NEK11: variants seen among roughly 807,000 people sequenced by gnomAD.
The protein encoded by NEK11 is serine/threonine-protein kinase Nek11.
A neutral mutation model predicts 80.7 loss-of-function variants in NEK11; 72 were observed. The ratio of observed to expected loss-of-function variants is 0.89; its 90% CI spans 0.74 to 1.08. NEK11 has a LOEUF of 1.08. Ranked by LOEUF, NEK11 falls within the 50% of genes least tolerant of loss-of-function variation. The pLI, the probability that NEK11 is intolerant of heterozygous loss-of-function variation, is 0.00. For synonymous variants in NEK11, 251 were observed against 260.7 expected, an observed-to-expected ratio of 0.96 and a Z score of 0.36; for missense variants, 764 against 763.6, an observed-to-expected ratio of 1.00 and a Z score of -0.01.
intron 10 of NEK11, among the ~76,000 whole-genome samples, chr3:131,157,531 A>G (rs915685777): frequency 6.6e-6 from 1 of 152,194 alleles, no homozygotes; most frequent in Non-Finnish European, 1.5e-5. Flanking sequence ...AACATAGTCA[A>G]TAAAATTTAG....
At position 131,072,322 on chromosome 3, in the gene NEK11, T is replaced by A. The variant is rs141914841; in HGVS notation, c.171-8101T>A. 25 of 152,346 alleles carry A rather than the reference T, an allele frequency of 1.6e-4. No homozygotes were observed. The East Asian group carries it at 4.6e-3, about 28-fold the overall frequency. 9.4% of individuals were successfully genotyped at this position (152,346 alleles called of 1,614,324 possible). On this transcript the variant is annotated intron_variant, in intron 3 of 17. Coordinates refer to ENST00000383366, the MANE Select transcript of NEK11 (RefSeq NM_024800.5). ...AAGGAGTCAAATGCAGATGATCACA[T>A]GCAGAGGTGGATTAAAGAAGAGTTT...
At chr3:131,049,014 G>T (rs995530026) in intron 3 of NEK11, among the ~76,000 whole-genome samples, 5 of 152,190 alleles carry the variant, frequency 3.3e-5, no homozygotes, top group African/African-American at 1.2e-4. Context: ...GGAAGACTTG[G>T]TGTCCATTTT....
chr3:131,204,511 G>A (rs1304927460), intron 14 of NEK11, among the ~76,000 whole-genome samples: 1 of 152,098 alleles, frequency 6.6e-6, no homozygotes, highest in Non-Finnish European at 1.5e-5. Flanking sequence ...GATAGATATT[G>A]TAGATAGTCA....
chr3:131,069,762 G>A (rs1244429203), intron 3 of NEK11, among the ~76,000 whole-genome samples: 1 of 150,826 alleles, frequency 6.6e-6, no homozygotes, highest in African/African-American at 2.4e-5. Context: ...TCACTCATAG[G>A]TGGGAACTGA....
chr3:131,279,106 C>G (rs2096353518), intron 17 of NEK11, among the ~76,000 whole-genome samples: 1 of 151,894 alleles, frequency 6.6e-6, no homozygotes, highest in South Asian at 2.1e-4. Flanking sequence ...AGTGGCAGCT[C>G]ACACCTGTAA....
At chr3:131,047,689 A>T (rs890392650) in intron 3 of NEK11, among the ~76,000 whole-genome samples, 3 of 152,148 alleles carry the variant, frequency 2.0e-5, no homozygotes, top group Non-Finnish European at 2.9e-5. Context: ...CAGGGGAGTG[A>T]AGTGGACTCT....
intron 17 of NEK11, among the ~76,000 whole-genome samples, chr3:131,318,692 A>G (rs57834286): frequency 0.12 from 17,943 of 151,246 alleles, 1,517 homozygotes; most frequent in East Asian, 0.3. Flanking sequence ...CAATAGGCAT[A>G]TATGATCTCA....
chr3:131,093,455 G>A (rs1358086739), intron 4 of NEK11, among the ~76,000 whole-genome samples: 6 of 151,546 alleles, frequency 4.0e-5, no homozygotes, highest in Non-Finnish European at 7.4e-5. Context: ...ACAGAGTCTC[G>A]CTCTGTCTGT....
intron 5 of NEK11, among the ~76,000 whole-genome samples, chr3:131,131,944 A>T (rs2084565288): frequency 6.6e-6 from 1 of 151,956 alleles, no homozygotes; most frequent in South Asian, 2.1e-4. Flanking sequence ...TTCTCTTGAG[A>T]TTTCTTCTTC....
intron 14 of NEK11, among the ~76,000 whole-genome samples, chr3:131,196,740 C>A (rs2094026320): frequency 6.6e-6 from 1 of 151,968 alleles, no homozygotes; most frequent in South Asian, 2.1e-4. Flanking sequence ...ACCATATTGG[C>A]CAGGCTGGTC....
chr3:131,057,458 G>A (rs1271811641), intron 3 of NEK11, among the ~76,000 whole-genome samples: 5 of 151,030 alleles, frequency 3.3e-5, no homozygotes, highest in East Asian at 3.9e-4. Context: ...CTGAGGAATC[G>A]CCACACTGAC....
intron 17 of NEK11, among the ~76,000 whole-genome samples, chr3:131,319,459 C>T (rs1404491277): frequency 6.6e-6 from 1 of 152,038 alleles, no homozygotes; most frequent in East Asian, 1.9e-4. Context: ...TAGAATTATG[C>T]CCAGAGTGCC....
rs1028352449 is a variant in NEK11 at position 131,109,748 on chromosome 3, C to T, written c.337-55C>T. The T allele has an allele frequency of 2.0e-5, 30 of 1,521,762 alleles. No individual in the cohort carries two copies. In the African/African-American group the frequency reaches 4.0e-4, roughly 20 times the overall value. The allele number at this position is 1,521,762 out of a possible 1,614,324, so 94.3% of individuals were successfully genotyped here. ...TATGTATTAACTGTTGTTAAGTGAA[C>T]TTGATTTTAACATATTAGCTGAAAA... On this transcript the variant is annotated intron_variant, in intron 4 of 17. Coordinates refer to ENST00000383366, the MANE Select transcript of NEK11 (RefSeq NM_024800.5).
At position 131,304,638 on chromosome 3, in the gene NEK11, C is replaced by T. The variant is rs531455738; in HGVS notation, c.1718+31064C>T. Among the ~76,000 whole-genome samples, 6 of 152,234 alleles carry T rather than the reference C, an allele frequency of 3.9e-5. No homozygotes were observed. In the East Asian group the frequency reaches 1.2e-3, roughly 29 times the overall value. On this transcript the variant is annotated intron_variant, in intron 17 of 17. Transcript: ENST00000383366. ...GTACAGGGTGGTTTCAGGCATCTGG[C>T]TTTGTTTATGGAATAAGCTGAGCTG...
chr3:131,036,175 C>G (rs2065614915), intron 3 of NEK11, among the ~76,000 whole-genome samples: 1 of 152,194 alleles, frequency 6.6e-6, no homozygotes, highest in Admixed American at 6.5e-5. Context: ...TCACTGAACC[C>G]TTTCTGTGCA....
At chr3:131,183,846 T>C (rs2093479974) in intron 14 of NEK11, among the ~76,000 whole-genome samples, 1 of 152,194 alleles carries the variant, frequency 6.6e-6, no homozygotes, top group Admixed American at 6.5e-5. Context: ...TCTAGGCCTT[T>C]GAGGAATCAC....
intron 17 of NEK11, among the ~76,000 whole-genome samples, chr3:131,314,130 AGTGTGT>A (rs143988468): frequency 4.7e-5 from 7 of 149,224 alleles, no homozygotes; most frequent in Non-Finnish European, 8.9e-5. Context: ...GGAGAAAAAG[AGTGTGT>A]GTGTGTGTGT....
At chr3:131,316,404 C>T (rs2096840598) in intron 17 of NEK11, among the ~76,000 whole-genome samples, 1 of 152,204 alleles carries the variant, frequency 6.6e-6, no homozygotes, top group South Asian at 2.1e-4. Context: ...GTTTTACTCA[C>T]ATTGAACCTA....
intron 11 of NEK11, among the ~76,000 whole-genome samples, chr3:131,163,756 T>C (rs1242376803): frequency 1.3e-5 from 2 of 152,202 alleles, no homozygotes; most frequent in African/African-American, 2.4e-5. Context: ...TGTATACATA[T>C]ATAAAAACAT....
Sources: gnomAD v4.1 joint callset for allele counts (sites outside exome capture counted in the v4.1 genomes callset) on GRCh38, gnomAD v4.1.1 for gene constraint, MANE v1.5 for transcripts, NCBI Gene and HGNC (gene_info 2026-07-23, HGNC 2026-07-21) for gene names.